The following HECW1 variants were observed in gnomAD, a reference collection of about 807,000 sequenced individuals.
HECW1 encodes the protein HECT, C2 and WW domain containing E3 ubiquitin protein ligase 1, also known as E3 ubiquitin-protein ligase HECW1.
Under a neutral mutation model 182.3 loss-of-function variants are expected in HECW1, and 61 were observed. That is an observed-to-expected ratio of 0.33 (90% CI 0.27 to 0.41). HECW1 has a LOEUF of 0.41. HECW1 is among the 10% of genes least tolerant of loss of function. The probability of loss-of-function intolerance (pLI) is 1.00; values close to 1 mark genes in which losing one functional copy is unlikely to be tolerated. For synonymous variants in HECW1, 859 were observed against 832.6 expected, an observed-to-expected ratio of 1.03 and a Z score of -0.55; for missense variants, 1,739 against 2,108.9, an observed-to-expected ratio of 0.82 and a Z score of 3.44.
intron 3 of HECW1, among the ~76,000 whole-genome samples, chr7:43,258,075 C>G (rs748733810): frequency 1.3e-5 from 2 of 152,136 alleles, no homozygotes; most frequent in African/African-American, 4.8e-5. Context: ...CGTGGTGGCT[C>G]ACGCCTGTAA....
At chr7:43,214,203 A>G (rs1028226277) in intron 2 of HECW1, among the ~76,000 whole-genome samples, 4 of 151,882 alleles carry the variant, frequency 2.6e-5, no homozygotes, top group African/African-American at 9.7e-5. Flanking sequence ...ATTTTTTCAA[A>G]TACATTTTTT....
chr7:43,504,995 G>C (rs529062429), intron 21 of HECW1, among the ~76,000 whole-genome samples: 35 of 152,218 alleles, frequency 2.3e-4, no homozygotes, highest in African/African-American at 7.2e-4. Flanking sequence ...ATGACCAACT[G>C]CTGTCCCCCA....
chr7:43,480,236 A>C (rs1476819511), intron 17 of HECW1, among the ~76,000 whole-genome samples: 1 of 152,154 alleles, frequency 6.6e-6, no homozygotes, highest in Admixed American at 6.5e-5. Flanking sequence ...CGCGCTCTAC[A>C]ATGTGCTCTT....
At chr7:43,353,256 C>T (rs1275115407) in intron 5 of HECW1, among the ~76,000 whole-genome samples, 2 of 152,034 alleles carry the variant, frequency 1.3e-5, no homozygotes, top group Non-Finnish European at 2.9e-5. Context: ...TTTAATATCC[C>T]TTTTCAGCTA....
chr7:43,525,103 C>T (rs981704355), intron 24 of HECW1, among the ~76,000 whole-genome samples: 5 of 152,132 alleles, frequency 3.3e-5, no homozygotes, highest in African/African-American at 1.2e-4. Flanking sequence ...AAATGAACAT[C>T]GATGCTGCCT....
At chr7:43,302,219 A>G (rs1365359946) in intron 3 of HECW1, among the ~76,000 whole-genome samples, 1 of 148,936 alleles carries the variant, frequency 6.7e-6, no homozygotes, top group Non-Finnish European at 1.5e-5. Context: ...AGGCTTCTCA[A>G]CAAGCCTGAG....
At chr7:43,494,259 C>T (rs2079035328) in intron 19 of HECW1, among the ~76,000 whole-genome samples, 1 of 152,080 alleles carries the variant, frequency 6.6e-6, no homozygotes, top group Non-Finnish European at 1.5e-5. Flanking sequence ...CCTCTTCTTC[C>T]ACCTCCACAC....
Position 43,360,871 on chromosome 7 carries a change from T to A in HECW1, c.461-15T>A. The A allele has an allele frequency of 2.5e-6, 4 of 1,605,902 alleles. No individual in the cohort carries two copies. Among genetic ancestry groups the A allele is most frequent in the Non-Finnish European group, 3.4e-6 (4 of 1,172,542 alleles). On this transcript the variant is annotated splice_polypyrimidine_tract_variant and intron_variant, in intron 5 of 29. Coordinates refer to ENST00000395891, the MANE Select transcript of HECW1 (RefSeq NM_015052.5). ...ACACCCTACTTCTCAGTCTCATTTT[T>A]TGTTTGTCTTTCAGCTGAAACTAAG...
intron 24 of HECW1, among the ~76,000 whole-genome samples, chr7:43,538,836 G>A (rs557422872): frequency 6.6e-6 from 1 of 152,282 alleles, no homozygotes; most frequent in South Asian, 2.1e-4. Context: ...ATTAACCGCG[G>A]TGACTAGAAC....
intron 29 of HECW1, among the ~76,000 whole-genome samples, chr7:43,557,286 C>A (rs1282178014): frequency 6.6e-6 from 1 of 152,154 alleles, no homozygotes; most frequent in African/African-American, 2.4e-5. Context: ...GGAGAGGCAG[C>A]CTTCAGCTCT....
intron 7 of HECW1, among the ~76,000 whole-genome samples, chr7:43,404,689 C>A (rs2075543485): frequency 6.6e-6 from 1 of 152,092 alleles, no homozygotes; most frequent in South Asian, 2.1e-4. Context: ...GTTAAAAGCA[C>A]AGACTTTGGG....
At chr7:43,124,044 T>C (rs902226557) in intron 2 of HECW1, among the ~76,000 whole-genome samples, 7 of 152,226 alleles carry the variant, frequency 4.6e-5, no homozygotes, top group Admixed American at 3.9e-4. Flanking sequence ...GGGTAGGAAC[T>C]GAAGGGAAGC....
chr7:43,292,121 C>T (rs1371155320), intron 3 of HECW1, among the ~76,000 whole-genome samples: 1 of 152,188 alleles, frequency 6.6e-6, no homozygotes, highest in African/African-American at 2.4e-5. Flanking sequence ...CAGAGCTTCT[C>T]TGCATCTGCA....
rs138902004 is a variant in HECW1 at position 43,164,840 on chromosome 7, A to G, written c.-32+50449A>G. On this transcript the variant is annotated intron_variant, in intron 2 of 29. Coordinates refer to ENST00000395891, the MANE Select transcript of HECW1 (RefSeq NM_015052.5). Reference sequence around the variant, plus strand: ...ATGCCGAGCATGCAGCCGCGCTTCCATGGTGTATGATTCAGAATATTTGTC... The same window carrying G: ...ATGCCGAGCATGCAGCCGCGCTTCCGTGGTGTATGATTCAGAATATTTGTC... 8.5e-5 allele frequency among the ~76,000 whole-genome samples: 13 copies of G among 152,362 alleles called. No homozygotes were observed. The East Asian group carries it at 1.9e-3, about 23-fold the overall frequency.
chr7:43,221,537 GTTTTTTTTTTT>G lies in HECW1; in HGVS notation c.-31-22306_-31-22296del, dbSNP rs71008897. Among the ~76,000 whole-genome samples the G allele has an allele frequency of 5.6e-3, 285 of 50,496 alleles. 2 individuals carry two copies. Among genetic ancestry groups the G allele is most frequent in the African/African-American group, 0.02 (265 of 13,014 alleles). 33.1% of individuals were successfully genotyped at this position (50,496 alleles called of 152,430 possible). ...CTAAACTAAATGTCAGAGGAATTAG[GTTTTTTTTTTT>G]TTTTTTTTTTTTTTTTTTTTTTTTT... On this transcript the variant is annotated intron_variant, in intron 2 of 29. Transcript: ENST00000395891.
intron 2 of HECW1, among the ~76,000 whole-genome samples, chr7:43,131,710 C>T (rs1457078062): frequency 2.0e-5 from 3 of 152,198 alleles, no homozygotes; most frequent in Non-Finnish European, 4.4e-5. Context: ...CAGTGCTCAG[C>T]GCTATGATTT....
intron 24 of HECW1, among the ~76,000 whole-genome samples, chr7:43,530,223 G>C (rs545890096): frequency 6.7e-6 from 1 of 150,174 alleles, no homozygotes; most frequent in Non-Finnish European, 1.5e-5. Flanking sequence ...CTTCCAAAGC[G>C]CTGGGATTAC....
intron 3 of HECW1, among the ~76,000 whole-genome samples, chr7:43,307,053 T>A (rs1240564329): frequency 6.6e-6 from 1 of 152,122 alleles, no homozygotes; most frequent in Non-Finnish European, 1.5e-5. Context: ...CATTGGTGGC[T>A]CTTCTGCTAC....
intron 2 of HECW1, among the ~76,000 whole-genome samples, chr7:43,149,544 G>T (rs1306849441): frequency 6.6e-6 from 1 of 152,090 alleles, no homozygotes; most frequent in Admixed American, 6.6e-5. Flanking sequence ...AAGTGATGTT[G>T]GTAAAACATG....
Sources: gnomAD v4.1 joint callset for allele counts (sites outside exome capture counted in the v4.1 genomes callset) on GRCh38, gnomAD v4.1.1 for gene constraint, MANE v1.5 for transcripts, NCBI Gene and HGNC (gene_info 2026-07-23, HGNC 2026-07-21) for gene names.